Variants in ZNF407 observed in about 807,000 individuals in gnomAD.
ZNF407 encodes zinc finger protein 407.
Under a neutral mutation model 131.2 loss-of-function variants are expected in ZNF407, and 17 were observed. That is an observed-to-expected ratio of 0.13 (90% CI 0.09 to 0.19). The LOEUF (loss-of-function observed/expected upper bound fraction) is 0.19, where lower values mean the gene tolerates loss of function less well. Among genes scored for constraint, ZNF407 ranks in the 10% least tolerant of loss-of-function variants. The probability of loss-of-function intolerance (pLI) is 1.00; values close to 1 mark genes in which losing one functional copy is unlikely to be tolerated. For synonymous variants in ZNF407, 1,156 were observed against 1,062.0 expected, an observed-to-expected ratio of 1.09 and a Z score of -1.72; for missense variants, 2,681 against 2,830.6, an observed-to-expected ratio of 0.95 and a Z score of 1.20.
intron 8 of ZNF407, among the ~76,000 whole-genome samples, chr18:74,928,296 T>C (rs1382284033): frequency 6.6e-6 from 1 of 152,186 alleles, no homozygotes. Flanking sequence ...AACCTTTGCC[T>C]GAAGACTTGA....
rs770620076 is a variant in ZNF407 at position 75,064,057 on chromosome 18, C to T, written c.6336C>T (p.Ala2112=). Residue 2112 remains alanine, a synonymous_variant, in exon 9 of 9, where the codon GCC becomes GCT. Coordinates refer to ENST00000299687, the MANE Select transcript of ZNF407 (RefSeq NM_017757.3). ...VTQVVVSEEG[A]VHMVAGEGAQ... ...AGGTGGTGGTGAGCGAAGAGGGTGCCGTCCACATGGTCGCCGGGGAGGGTG... is the reference window on the plus strand; with the variant it reads ...AGGTGGTGGTGAGCGAAGAGGGTGCTGTCCACATGGTCGCCGGGGAGGGTG... 1.0e-5 allele frequency: 16 copies of T among 1,594,802 alleles called. 1 individual carries two copies. The highest frequency in any genetic ancestry group is 9.1e-5 in the South Asian group (8 of 88,200).
chr18:74,935,179 A>G (rs117183557), intron 8 of ZNF407, among the ~76,000 whole-genome samples: 1 of 152,236 alleles, frequency 6.6e-6, no homozygotes, highest in African/African-American at 2.4e-5. Context: ...AAATGCTCAG[A>G]TAGTTCTCTT....
intron 8 of ZNF407, among the ~76,000 whole-genome samples, chr18:74,980,191 G>A (rs550916459): frequency 3.3e-5 from 5 of 150,836 alleles, no homozygotes; most frequent in East Asian, 1.9e-4. Context: ...CTTTGTAAAC[G>A]ATGACATAAA....
intron 8 of ZNF407, among the ~76,000 whole-genome samples, chr18:74,959,959 T>C (rs769239321): frequency 6.6e-6 from 1 of 152,224 alleles, no homozygotes; most frequent in Non-Finnish European, 1.5e-5. Context: ...CTTCAGGGCC[T>C]ATGCTTAGTG....
chr18:75,007,638 C>CTA lies in ZNF407; in HGVS notation c.5429-55511_5429-55510dup, dbSNP rs142219997. 7.2e-5 allele frequency among the ~76,000 whole-genome samples: 11 copies of CTA among 152,292 alleles called. No homozygotes were observed. The East Asian group carries it at 2.1e-3, about 29-fold the overall frequency. Reference sequence around the variant, plus strand: ...GCAAAGTATTTCATTTCTATGGTCTCTAATATGTTAGAATCGATATCTAAA... The same window carrying CTA: ...GCAAAGTATTTCATTTCTATGGTCTCTATAATATGTTAGAATCGATATCTAAA... On this transcript the variant is annotated intron_variant, in intron 8 of 8. Coordinates refer to ENST00000299687, the MANE Select transcript of ZNF407 (RefSeq NM_017757.3).
intron 8 of ZNF407, among the ~76,000 whole-genome samples, chr18:74,989,301 T>C (rs773130758): frequency 6.6e-5 from 10 of 152,190 alleles, no homozygotes; most frequent in Non-Finnish European, 1.2e-4. Context: ...TGTGGGAGGT[T>C]ACTGACTACA....
At chr18:74,952,493 A>G (rs1972226255) in intron 8 of ZNF407, among the ~76,000 whole-genome samples, 1 of 152,172 alleles carries the variant, frequency 6.6e-6, no homozygotes, top group Non-Finnish European at 1.5e-5. Context: ...ACAGAGGCTA[A>G]CCCTCAGGGA....
chr18:74,897,271 A>T (rs1286143833), intron 7 of ZNF407, among the ~76,000 whole-genome samples: 1 of 152,232 alleles, frequency 6.6e-6, no homozygotes, highest in Non-Finnish European at 1.5e-5. Context: ...ATTGGTTCAC[A>T]TGTCTTTAAA....
At chr18:74,618,020 C>CATCTCTCCATCT (rs1228218882) in intron 1 of ZNF407, among the ~76,000 whole-genome samples, 2 of 152,250 alleles carry the variant, frequency 1.3e-5, no homozygotes, top group African/African-American at 4.8e-5. Context: ...TCTCTCCGTC[C>CATCTCTCCATCT]ATCTCTCCAT....
rs546978853 is a variant in ZNF407, at chr18:75,026,117, A to G, written c.5429-37033A>G. Among the ~76,000 whole-genome samples, 70 of 148,622 alleles carry G rather than the reference A, an allele frequency of 4.7e-4. No individual in the cohort carries two copies. The South Asian group carries it at 0.01, about 22-fold the overall frequency. Reference sequence around the variant, plus strand: ...TCTTGCCTGAACAGAAAATGCGACAATATTCTGTTAAGTCAAGAGACGACG... The same window carrying G: ...TCTTGCCTGAACAGAAAATGCGACAGTATTCTGTTAAGTCAAGAGACGACG... On this transcript the variant is annotated intron_variant, in intron 8 of 8. Coordinates refer to ENST00000299687, the MANE Select transcript of ZNF407 (RefSeq NM_017757.3).
At chr18:74,656,360 C>T (rs972639385) in intron 3 of ZNF407, among the ~76,000 whole-genome samples, 24 of 151,920 alleles carry the variant, frequency 1.6e-4, no homozygotes, top group African/African-American at 4.8e-4. Flanking sequence ...TACATACATA[C>T]GTACATACAT....
intron 8 of ZNF407, among the ~76,000 whole-genome samples, chr18:74,959,056 A>T (rs957051236): frequency 6.6e-6 from 1 of 152,200 alleles, no homozygotes; most frequent in Non-Finnish European, 1.5e-5. Context: ...ATTTTCTGAG[A>T]CCAGGACTTG....
At chr18:74,749,051 C>T (rs1472152743) in intron 3 of ZNF407, among the ~76,000 whole-genome samples, 1 of 152,266 alleles carries the variant, frequency 6.6e-6, no homozygotes, top group Non-Finnish European at 1.5e-5. Context: ...GAACTGGCTC[C>T]AGCTGTGACA....
chr18:74,820,017 A>C (rs1599175464), intron 4 of ZNF407, among the ~76,000 whole-genome samples: 1 of 152,208 alleles, frequency 6.6e-6, no homozygotes, highest in African/African-American at 2.4e-5. Flanking sequence ...TAAAATCAGC[A>C]CTGAAGGAGG....
chr18:75,052,248 G>A (rs1348541912), intron 8 of ZNF407, among the ~76,000 whole-genome samples: 1 of 152,152 alleles, frequency 6.6e-6, no homozygotes, highest in East Asian at 1.9e-4. Context: ...TTAGAAAATG[G>A]TATTAATAAT....
chr18:74,893,315 T>G (rs954808972), intron 7 of ZNF407, among the ~76,000 whole-genome samples: 3 of 152,222 alleles, frequency 2.0e-5, no homozygotes, highest in Non-Finnish European at 4.4e-5. Flanking sequence ...AGGAGTAATT[T>G]TTAATCTTTA....
intron 4 of ZNF407, among the ~76,000 whole-genome samples, chr18:74,844,124 C>G (rs1157558401): frequency 6.6e-6 from 1 of 152,176 alleles, no homozygotes; most frequent in Admixed American, 6.5e-5. Context: ...AACCTTGACT[C>G]TACTGCCCTG....
intron 4 of ZNF407, among the ~76,000 whole-genome samples, chr18:74,786,423 T>C (rs1453229855): frequency 2.6e-5 from 4 of 152,166 alleles, no homozygotes; most frequent in Non-Finnish European, 5.9e-5. Context: ...CTTATTAGTC[T>C]TTCCCTTATT....
chr18:74,944,657 T>G (rs1972135240), intron 8 of ZNF407, among the ~76,000 whole-genome samples: 1 of 152,228 alleles, frequency 6.6e-6, no homozygotes, highest in African/African-American at 2.4e-5. Context: ...GCAATCACAT[T>G]TAGCTTTTTC....
Sources: gnomAD v4.1 joint callset for allele counts (sites outside exome capture counted in the v4.1 genomes callset) on GRCh38, gnomAD v4.1.1 for gene constraint, MANE v1.5 for transcripts, NCBI Gene and HGNC (gene_info 2026-07-23, HGNC 2026-07-21) for gene names.